The following DPYD variants were observed in gnomAD, a reference collection of about 807,000 sequenced individuals.
The protein encoded by DPYD is dihydropyrimidine dehydrogenase [NADP(+)].
Under a neutral mutation model 116.2 loss-of-function variants are expected in DPYD, and 109 were observed. The ratio of observed to expected loss-of-function variants is 0.94; its 90% CI spans 0.80 to 1.10. The LOEUF (loss-of-function observed/expected upper bound fraction) is 1.10, where lower values mean the gene tolerates loss of function less well. Among genes scored for constraint, DPYD ranks in the 50% least tolerant of loss-of-function variants. DPYD has a pLI of 0.00. For synonymous variants in DPYD, 440 were observed against 432.0 expected (o/e 1.02, Z -0.23); for missense variants, 1,302 against 1,254.5 (o/e 1.04, Z -0.57).
At chr1:97,546,495 A>C in intron 12 of DPYD, 1 of 1,604,662 alleles carries the variant, frequency 6.2e-7, no homozygotes, top group South Asian at 1.1e-5. Context: ...ATGAAAAACA[A>C]AACAAAGATG....
At chr1:97,511,112 A>G (rs10875095) in intron 13 of DPYD, among the ~76,000 whole-genome samples, 93,105 of 151,698 alleles carry the variant, frequency 0.61, 28,704 homozygotes, top group East Asian at 0.75. Flanking sequence ...AGAACTGATC[A>G]TGCGTGCTGA....
chr1:97,415,072 G>A (rs1674218086), intron 14 of DPYD, among the ~76,000 whole-genome samples: 1 of 152,026 alleles, frequency 6.6e-6, no homozygotes, highest in African/African-American at 2.4e-5. Context: ...TATAAAAGAA[G>A]AAGGAGAAAA....
chr1:97,333,614 A>C (rs1236821291), intron 16 of DPYD, among the ~76,000 whole-genome samples: 3 of 138,846 alleles, frequency 2.2e-5, no homozygotes, highest in African/African-American at 5.5e-5. Flanking sequence ...TCCGCCTCCC[A>C]GGTTCAAGCC....
intron 1 of DPYD, among the ~76,000 whole-genome samples, chr1:97,885,018 C>T (rs1311547624): frequency 1.3e-5 from 2 of 151,896 alleles, no homozygotes; most frequent in African/African-American, 4.8e-5. Flanking sequence ...GTTTTCTAAA[C>T]TACAAAAACC....
intron 3 of DPYD, among the ~76,000 whole-genome samples, chr1:97,748,092 T>A (rs572771642): frequency 6.6e-6 from 1 of 152,144 alleles, no homozygotes; most frequent in Non-Finnish European, 1.5e-5. Flanking sequence ...ACATTAAACA[T>A]AGTAGACATC....
At chr1:97,398,698 G>A (rs1413202943) in intron 14 of DPYD, among the ~76,000 whole-genome samples, 2 of 152,302 alleles carry the variant, frequency 1.3e-5, no homozygotes, top group South Asian at 4.1e-4. Context: ...GATGGCCAGT[G>A]ATGATGAGCA....
chr1:97,677,979 T>C, intron 8 of DPYD, among the ~76,000 whole-genome samples: 1 of 152,224 alleles, frequency 6.6e-6, no homozygotes, highest in East Asian at 1.9e-4. Flanking sequence ...ACAGACAAAG[T>C]AAAATACAGG....
intron 18 of DPYD, among the ~76,000 whole-genome samples, chr1:97,265,218 A>T (rs142975801): frequency 2.0e-5 from 3 of 152,200 alleles, no homozygotes; most frequent in Non-Finnish European, 4.4e-5. Context: ...TTCTAAATCC[A>T]TATTATTGCA....
At chr1:97,179,462 C>G (rs1011323059) in intron 20 of DPYD, among the ~76,000 whole-genome samples, 21 of 152,036 alleles carry the variant, frequency 1.4e-4, no homozygotes, top group Admixed American at 9.2e-4. Flanking sequence ...CTAGAAAAGG[C>G]TCTATAGTTT....
At chr1:97,134,768 C>A (rs1653657197) in intron 20 of DPYD, among the ~76,000 whole-genome samples, 1 of 152,114 alleles carries the variant, frequency 6.6e-6, no homozygotes, top group African/African-American at 2.4e-5. Flanking sequence ...CTCTGCAGGG[C>A]CACGTGAGAT....
intron 10 of DPYD, among the ~76,000 whole-genome samples, chr1:97,589,603 A>C (rs1041543047): frequency 6.6e-6 from 1 of 152,206 alleles, no homozygotes; most frequent in African/African-American, 2.4e-5. Flanking sequence ...AGCAGTATGA[A>C]AATGGACTAA....
At chr1:97,731,970 C>G (rs1663640227) in intron 4 of DPYD, among the ~76,000 whole-genome samples, 1 of 151,946 alleles carries the variant, frequency 6.6e-6, no homozygotes, top group South Asian at 2.1e-4. Flanking sequence ...CAACCACAAA[C>G]AATATGATGT....
At chr1:97,535,017 T>A (rs1008845846) in intron 12 of DPYD, among the ~76,000 whole-genome samples, 1 of 152,102 alleles carries the variant, frequency 6.6e-6, no homozygotes, top group African/African-American at 2.4e-5. Flanking sequence ...ATTCTACCTC[T>A]ATGATGACAA....
chr1:97,753,375 C>A (rs1665043770), intron 3 of DPYD, among the ~76,000 whole-genome samples: 1 of 152,132 alleles, frequency 6.6e-6, no homozygotes, highest in Admixed American at 6.6e-5. Context: ...TTCCTCAGAA[C>A]AGAGTATGGT....
At chr1:97,411,169 CT>C (rs1673973057) in intron 14 of DPYD, among the ~76,000 whole-genome samples, 1 of 152,170 alleles carries the variant, frequency 6.6e-6, no homozygotes, top group Non-Finnish European at 1.5e-5. Context: ...ACTTATCTGT[CT>C]CCTATGCACT....
At chr1:97,421,221 T>C (rs1674561635) in intron 14 of DPYD, among the ~76,000 whole-genome samples, 1 of 152,186 alleles carries the variant, frequency 6.6e-6, no homozygotes, top group South Asian at 2.1e-4. Context: ...ACAACAACCT[T>C]AAGAGTTAAT....
intron 21 of DPYD, among the ~76,000 whole-genome samples, chr1:97,091,924 C>T (rs1453228170): frequency 1.3e-5 from 2 of 152,130 alleles, no homozygotes; most frequent in Admixed American, 6.6e-5. Flanking sequence ...TTTCTAAAAG[C>T]CTTACTGGTT....
chr1:97,308,879 T>A (rs1459202897), intron 16 of DPYD, among the ~76,000 whole-genome samples: 1 of 151,736 alleles, frequency 6.6e-6, no homozygotes, highest in Non-Finnish European at 1.5e-5. Context: ...AATCAAGAGT[T>A]TACCATTACC....
At chr1:97,463,819 C>T (rs1677152519) in intron 13 of DPYD, among the ~76,000 whole-genome samples, 1 of 152,136 alleles carries the variant, frequency 6.6e-6, no homozygotes. Context: ...GAACTCTGAA[C>T]TTGAGAGAGA....
Sources: allele counts gnomAD v4.1 joint callset (sites outside exome capture counted in the v4.1 genomes callset), GRCh38; gene constraint gnomAD v4.1.1; transcripts MANE v1.5; gene names NCBI Gene and HGNC (gene_info 2026-07-23, HGNC 2026-07-21).